MAGI1: variants seen among roughly 807,000 people sequenced by gnomAD.
MAGI1 encodes membrane-associated guanylate kinase, WW and PDZ domain-containing protein 1.
Under a neutral mutation model 139.9 loss-of-function variants are expected in MAGI1, and 58 were observed. The ratio of observed to expected loss-of-function variants is 0.41; its 90% CI spans 0.34 to 0.52. MAGI1 has a LOEUF of 0.52. Ranked by LOEUF, MAGI1 falls within the 20% of genes least tolerant of loss-of-function variation. MAGI1 has a pLI of 0.12. For missense variants in MAGI1, 1,874 were observed against 1,901.6 expected, an observed-to-expected ratio of 0.99 and a Z score of 0.27; for synonymous variants, 812 against 737.9, an observed-to-expected ratio of 1.10 and a Z score of -1.63.
chr3:65,868,154 G>T (rs2059795073), intron 1 of MAGI1, among the ~76,000 whole-genome samples: 1 of 152,156 alleles, frequency 6.6e-6, no homozygotes, highest in African/African-American at 2.4e-5. Flanking sequence ...CTAGGTTCCA[G>T]TTACCTTTAA....
At chr3:65,795,434 T>G (rs2040061773) in intron 1 of MAGI1, among the ~76,000 whole-genome samples, 1 of 152,156 alleles carries the variant, frequency 6.6e-6, no homozygotes. Context: ...ACCATAATCC[T>G]GGGCTACATA....
intron 1 of MAGI1, among the ~76,000 whole-genome samples, chr3:65,952,028 A>G (rs36049734): frequency 0.22 from 33,838 of 152,200 alleles, 4,956 homozygotes; most frequent in Non-Finnish European, 0.32. Flanking sequence ...ACAAAGTCAT[A>G]AGTATTGCTT....
At chr3:65,883,188 A>G (rs370297018) in intron 1 of MAGI1, among the ~76,000 whole-genome samples, 1 of 152,214 alleles carries the variant, frequency 6.6e-6, no homozygotes, top group South Asian at 2.1e-4. Context: ...GTTTAAAAGC[A>G]TATGTTCGAA....
intron 22 of MAGI1, chr3:65,358,912 A>G: frequency 2.8e-6 from 2 of 712,764 alleles, no homozygotes; most frequent in South Asian, 3.8e-5. Context: ...AAGGGAAGGC[A>G]ACACTTCAAC....
At chr3:65,682,845 G>C (rs1018185396) in intron 1 of MAGI1, among the ~76,000 whole-genome samples, 5 of 152,122 alleles carry the variant, frequency 3.3e-5, no homozygotes, top group Non-Finnish European at 4.4e-5. Flanking sequence ...TGAAAATACT[G>C]TGTATGACAG....
chr3:65,934,109 C>T (rs886770149), intron 1 of MAGI1, among the ~76,000 whole-genome samples: 3 of 151,994 alleles, frequency 2.0e-5, no homozygotes, highest in Non-Finnish European at 2.9e-5. Context: ...CACGACAGAG[C>T]GAGACTCTGT....
intron 1 of MAGI1, among the ~76,000 whole-genome samples, chr3:65,953,356 C>T (rs1383249114): frequency 6.6e-6 from 1 of 152,150 alleles, no homozygotes; most frequent in African/African-American, 2.4e-5. Context: ...TAATGCTGGG[C>T]CTGGCATTTT....
chr3:65,719,079 TA>T (rs2032660011), intron 1 of MAGI1, among the ~76,000 whole-genome samples: 1 of 128,838 alleles, frequency 7.8e-6, no homozygotes, highest in Non-Finnish European at 1.7e-5. Context: ...CTAAAAACAA[TA>T]AAAAAACATT....
intron 9 of MAGI1, among the ~76,000 whole-genome samples, 157 bp from the exon 10 acceptor site, chr3:65,437,404 CTTT>C (rs5849667): frequency 1.0e-4 from 14 of 138,670 alleles, no homozygotes; most frequent in African/African-American, 1.6e-4. Context: ...CTATGAAGCT[CTTT>C]TTTTTTTTTT....
chr3:65,771,872 T>C (rs76872771), intron 1 of MAGI1, among the ~76,000 whole-genome samples: 4,418 of 152,272 alleles, frequency 0.029, 81 homozygotes, highest in Middle Eastern at 0.045. Flanking sequence ...AAGACCTTAA[T>C]TTATGGTTTG....
intron 1 of MAGI1, among the ~76,000 whole-genome samples, chr3:65,707,922 G>T (rs530216367): frequency 2.0e-5 from 3 of 152,056 alleles, no homozygotes; most frequent in South Asian, 4.2e-4. Context: ...TCCAACCTGC[G>T]GCTGTAACTG....
At chr3:65,489,763 C>G (rs540773729) in intron 3 of MAGI1, among the ~76,000 whole-genome samples, 4 of 152,108 alleles carry the variant, frequency 2.6e-5, no homozygotes, top group Non-Finnish European at 5.9e-5. Flanking sequence ...ATGTTGTGTA[C>G]ATATAAGTTT....
At chr3:65,423,973 G>A (rs1311805977) in intron 12 of MAGI1, among the ~76,000 whole-genome samples, 2 of 152,142 alleles carry the variant, frequency 1.3e-5, no homozygotes, top group African/African-American at 4.8e-5. Flanking sequence ...CTTGTATTTT[G>A]TCCTAGCATA....
At chr3:65,497,740 C>T (rs550718198) in intron 2 of MAGI1, among the ~76,000 whole-genome samples, 5 of 152,154 alleles carry the variant, frequency 3.3e-5, no homozygotes, top group Non-Finnish European at 7.3e-5. Context: ...AGACAACAAT[C>T]ACCCTGGGGT....
Position 65,437,419 on chromosome 3 carries a change from T to C in MAGI1, c.1271-172A>G, listed in dbSNP as rs547276704. Among the ~76,000 whole-genome samples the C allele has an allele frequency of 3.3e-5, 4 of 122,986 alleles. No homozygotes were observed. The South Asian group carries it at 1.1e-3, about 33-fold the overall frequency. The allele number at this position is 122,986 out of a possible 152,430, so 80.7% of individuals were successfully genotyped here. On this transcript the variant is annotated intron_variant, in intron 9 of 22. Transcript: ENST00000402939. ...CTATGAAGCTCTTTTTTTTTTTTTT[T>C]CTTGTCTAAGACGTTTTGGGAAAGA... is the stretch of plus-strand genomic sequence containing the variant.
chr3:65,875,470 A>C (rs1360169740), intron 1 of MAGI1, among the ~76,000 whole-genome samples: 3 of 152,378 alleles, frequency 2.0e-5, no homozygotes, highest in African/African-American at 7.2e-5. Flanking sequence ...GAAATTTACA[A>C]AATGTTTTTT....
chr3:65,380,686 T>C (rs966456047), intron 16 of MAGI1: 4 of 152,178 alleles, frequency 2.6e-5, no homozygotes, highest in African/African-American at 9.7e-5. Context: ...AAATCCAAAA[T>C]ATTTAAGATT....
At chr3:65,508,947 C>A (rs575866953) in intron 2 of MAGI1, among the ~76,000 whole-genome samples, 2 of 152,324 alleles carry the variant, frequency 1.3e-5, no homozygotes, top group South Asian at 4.1e-4. Context: ...CTCCATTTGG[C>A]AGCAGGGTAA....
chr3:65,676,994 T>C (rs2087235356), intron 1 of MAGI1, among the ~76,000 whole-genome samples: 1 of 152,216 alleles, frequency 6.6e-6, no homozygotes, highest in African/African-American at 2.4e-5. Context: ...ATGACTCCCG[T>C]GCTCTTGGTA....
Sources: gnomAD v4.1 joint callset for allele counts (sites outside exome capture counted in the v4.1 genomes callset) on GRCh38, gnomAD v4.1.1 for gene constraint, MANE v1.5 for transcripts, NCBI Gene and HGNC (gene_info 2026-07-23, HGNC 2026-07-21) for gene names.